Variants in ERCC6L2 observed in about 807,000 individuals in gnomAD.
ERCC6L2 encodes ERCC excision repair 6 like 2, also known as DNA excision repair protein ERCC-6-like 2.
ERCC6L2 carries 77 observed loss-of-function variants against 132.0 expected under a neutral mutation model. That is an observed-to-expected ratio of 0.58 (90% confidence interval 0.49 to 0.71). ERCC6L2 has a LOEUF of 0.71. Ranked by LOEUF, ERCC6L2 falls within the 30% of genes least tolerant of loss-of-function variation. The pLI is 0.00. For synonymous variants in ERCC6L2, 583 were observed against 632.4 expected (o/e 0.92, Z 1.17); for missense variants, 1,542 against 1,837.6 (o/e 0.84, Z 2.94).
downstream of ERCC6L2, chr9:96,021,402 G>A (rs1031256831): frequency 4.3e-5 from 12 of 281,114 alleles, no homozygotes; most frequent in Non-Finnish European, 8.2e-5. The surrounding 1 kb of genome is among the most constrained non-coding windows in gnomAD (Gnocchi z 4.7). Flanking sequence ...CAGGGAGCGA[G>A]GGGCGGTCCT....
intron 13 of ERCC6L2, among the ~76,000 whole-genome samples, chr9:95,964,895 C>T (rs1221445731): frequency 6.6e-6 from 1 of 152,050 alleles, no homozygotes; most frequent in Non-Finnish European, 1.5e-5. Context: ...TAAAACTTTG[C>T]TAGGAAGCTT....
intron 2 of ERCC6L2, among the ~76,000 whole-genome samples, chr9:95,896,115 T>C (rs1828445484): frequency 6.6e-6 from 1 of 152,216 alleles, no homozygotes; most frequent in Admixed American, 6.5e-5. Context: ...TTTGTTGCTC[T>C]TTATCTTTCC....
Position 96,016,194 on chromosome 9 carries a change from G to C in ERCC6L2, c.*2991G>C, listed in dbSNP as rs918833398. 2.6e-5 allele frequency among the ~76,000 whole-genome samples: 4 copies of C among 152,176 alleles called. No individual in the cohort carries two copies. The highest frequency in any genetic ancestry group is 2.0e-4 in the Admixed American group (3 of 15,278). ...TCCCCTTTAAATTGGTGATGGATTA[G>C]ATCAGTGGTGGTCAGCCATTTTCTT... On this transcript the variant is annotated 3_prime_UTR_variant, in exon 19 of 19. Transcript: ENST00000653738.
At chr9:95,958,461 C>T (rs966766562) in intron 13 of ERCC6L2, among the ~76,000 whole-genome samples, 1 of 152,176 alleles carries the variant, frequency 6.6e-6, no homozygotes, top group African/African-American at 2.4e-5. Flanking sequence ...AACTAGTTTA[C>T]AGTCCCACCA....
intron 18 of ERCC6L2, among the ~76,000 whole-genome samples, chr9:96,007,576 A>C (rs1004740469): frequency 4.6e-5 from 7 of 152,226 alleles, no homozygotes; most frequent in Non-Finnish European, 1.0e-4. Flanking sequence ...AGCATTGTCT[A>C]GAAGCACTAA....
intron 11 of ERCC6L2, among the ~76,000 whole-genome samples, chr9:95,933,936 C>T (rs369729719): frequency 2.0e-5 from 3 of 151,652 alleles, no homozygotes; most frequent in East Asian, 1.9e-4. Flanking sequence ...AGTAGATGCT[C>T]AATAAAGGTT....
At chr9:95,911,776 C>T (rs866078215) in intron 4 of ERCC6L2, among the ~76,000 whole-genome samples, 10 of 151,926 alleles carry the variant, frequency 6.6e-5, no homozygotes, top group African/African-American at 1.9e-4. Context: ...CAGTTTTTAT[C>T]AAAGTTAATT....
intron 3 of ERCC6L2, among the ~76,000 whole-genome samples, chr9:95,904,265 C>A (rs1348075742): frequency 6.6e-6 from 1 of 152,018 alleles, no homozygotes; most frequent in Non-Finnish European, 1.5e-5. Context: ...CCACGTGGAA[C>A]CTTTGTTTCA....
Position 95,972,505 on chromosome 9 carries a change from T to G in ERCC6L2, c.2754T>G (p.Ser918Arg), listed in dbSNP as rs1490677847. Residue 918 changes from serine (S) to arginine (R), a missense_variant, in exon 16 of 19, where the codon AGT (serine) becomes AGG (arginine). Ser to Arg is a moderately radical substitution (Grantham distance 110, BLOSUM62 -1). Around this residue, in one of 4 missense-constraint regions of ERCC6L2, gnomAD observed 945 missense variants for 1,105.2 expected, o/e 0.86. Transcript: ENST00000653738. ...QYTTERFPDN[S>R]IRFKPPLEGS... ...CAACTGAGAGATTCCCCGACAATAG[T>G]ATAAGGTTTAAGCCACCCTTGGAAG... The G allele has an allele frequency of 7.8e-7, 1 of 1,289,932 alleles. No homozygotes were observed. The highest frequency in any genetic ancestry group is 5.5e-5 in the East Asian group (1 of 18,026). The allele number at this position is 1,289,932 out of a possible 1,614,324, so 79.9% of individuals were successfully genotyped here.
chr9:95,958,147 G>A (rs375274313), intron 13 of ERCC6L2, among the ~76,000 whole-genome samples: 2 of 150,840 alleles, frequency 1.3e-5, no homozygotes, highest in East Asian at 2.0e-4. Flanking sequence ...TTGTTCTTGC[G>A]ATAGTTTACT....
intron 6 of ERCC6L2, 99 bp from the exon 7 acceptor site, chr9:95,921,076 G>A (rs1312762014): frequency 2.5e-6 from 3 of 1,222,908 alleles, no homozygotes; most frequent in East Asian, 5.5e-5. Context: ...CGCCCGGCCA[G>A]TTTTCACTGT....
chr9:96,028,375 T>C (rs1370832210), intron 19 of ERCC6L2, among the ~76,000 whole-genome samples: 1 of 152,052 alleles, frequency 6.6e-6, no homozygotes, highest in Non-Finnish European at 1.5e-5. Flanking sequence ...GAGATTAGAG[T>C]GTGCCCTCTC....
At chr9:95,981,490 A>G (rs1832891317) in intron 17 of ERCC6L2, among the ~76,000 whole-genome samples, 1 of 152,206 alleles carries the variant, frequency 6.6e-6, no homozygotes, top group Non-Finnish European at 1.5e-5. Context: ...GTTATTTGAT[A>G]GTACAAATTA....
chr9:96,012,690 G>A lies in ERCC6L2; in HGVS notation c.4140G>A (p.Val1380=), dbSNP rs1459429228. Residue 1380 remains valine, a synonymous_variant, in exon 19 of 19, where the codon GTG becomes GTA. Coordinates refer to ENST00000653738, the MANE Select transcript of ERCC6L2 (RefSeq NM_020207.7). Reference sequence around the variant, plus strand: ...ACAGCCAGGCATCCGAAGATACTGTGACATCCCGTTCTCTGAACAGTGAGT... The same window carrying A: ...ACAGCCAGGCATCCGAAGATACTGTAACATCCCGTTCTCTGAACAGTGAGT... ...GKNSQASEDT[V]TSRSLNSESE... The A allele has an allele frequency of 7.3e-7, 1 of 1,367,566 alleles. No homozygotes were observed. Among genetic ancestry groups the A allele is most frequent in the Admixed American group, 1.9e-5 (1 of 52,580 alleles). The allele number at this position is 1,367,566 out of a possible 1,614,324, so 84.7% of individuals were successfully genotyped here.
intron 11 of ERCC6L2, among the ~76,000 whole-genome samples, chr9:95,937,845 C>T (rs1437418684): frequency 1.3e-5 from 2 of 150,700 alleles, no homozygotes; most frequent in African/African-American, 4.9e-5. Flanking sequence ...TTCCTTTCTT[C>T]TGCTTGCTTT....
intron 19 of ERCC6L2, among the ~76,000 whole-genome samples, chr9:96,026,925 C>G (rs901159271): frequency 1.1e-4 from 13 of 119,740 alleles, no homozygotes; most frequent in Admixed American, 8.4e-5. Flanking sequence ...ACCACACGCA[C>G]ACACCCCACA....
intron 20 of ERCC6L2, among the ~76,000 whole-genome samples, chr9:96,039,187 G>A (rs1311973503): frequency 6.6e-6 from 1 of 152,228 alleles, no homozygotes. Flanking sequence ...TTCGTTAGCA[G>A]CACTGGATAA....
At chr9:95,979,318 G>A (rs1832797864) in intron 17 of ERCC6L2, among the ~76,000 whole-genome samples, 1 of 152,152 alleles carries the variant, frequency 6.6e-6, no homozygotes, top group African/African-American at 2.4e-5. Context: ...CTGGACAGGG[G>A]ACTGGGTTGA....
intron 19 of ERCC6L2, among the ~76,000 whole-genome samples, chr9:96,029,517 T>C (rs926835508): frequency 2.0e-5 from 3 of 152,144 alleles, no homozygotes; most frequent in Admixed American, 6.5e-5. Flanking sequence ...GATGTGATTT[T>C]CTGAATGTAT....
Sources: gnomAD v4.1 joint callset for allele counts (sites outside exome capture counted in the v4.1 genomes callset) on GRCh38, gnomAD v4.1.1 for gene constraint, gnomAD v4.1.1 regional missense constraint, Gnocchi (gnomAD v3.1) non-coding constraint, MANE v1.5 for transcripts, NCBI Gene and HGNC (gene_info 2026-07-23, HGNC 2026-07-21) for gene names.